Variants in H3C4 observed in about 807,000 individuals in gnomAD.
H3C4 encodes the protein H3 clustered histone 4.
In H3C4, 10 loss-of-function variants were observed where a neutral mutation model predicts 8.7. That is an observed-to-expected ratio of 1.15 (90% confidence interval 0.71 to 1.96). The LOEUF is 1.96. Among genes scored for constraint, H3C4 ranks in the 30% most tolerant of loss-of-function variants. H3C4 has a pLI of 0.00. For missense variants in H3C4, 216 were observed against 192.9 expected, an observed-to-expected ratio of 1.12 and a Z score of -0.71; for synonymous variants, 141 against 80.1, an observed-to-expected ratio of 1.76 and a Z score of -4.06.
At chr6:26,198,829 A>T (rs1765050130), upstream of H3C4, 1 of 1,602,844 alleles carries the variant, frequency 6.2e-7, no homozygotes. Context: ...TTCCTTAAAA[A>T]GCCAATATAA....
chr6:26,196,849 C>G lies in H3C4; in HGVS notation c.402G>C (p.Glu134Asp), dbSNP rs373554594. The change falls in exon 1 of 1, where the codon GAG (glutamate) becomes GAC (aspartate). Residue 134 changes from glutamate to aspartate, a missense_variant. Physicochemically the swap from Glu to Asp is conservative, Grantham distance 45. Transcript: ENST00000356476. ...ACATTCACAAGACAATTTACGCCCT[C>G]TCCCCACGAATGCGGCGAGCAAGCT... is the stretch of plus-strand genomic sequence containing the variant. ...DIQLARRIRG[E>D]RA is the part of the protein sequence containing the mutation. 1.1e-5 allele frequency: 18 copies of G among 1,614,104 alleles called. No individual in the cohort carries two copies. The African/African-American group carries it at 2.4e-4, about 22-fold the overall frequency.
At position 26,197,001 on chromosome 6, in the gene H3C4, G is replaced by A. The variant is rs578240635; in HGVS notation, c.250C>T (p.Arg84Cys). 4 of 1,614,228 alleles carry A rather than the reference G, an allele frequency of 2.5e-6. No individual in the cohort carries two copies. Among genetic ancestry groups the A allele is most frequent in the Non-Finnish European group, 3.4e-6 (4 of 1,180,046 alleles). The change falls in exon 1 of 1, where the codon CGT becomes TGT. Residue 84 changes from arginine (R) to cysteine (C), a missense_variant. Transcript: ENST00000356476. ...GCCATCACCGCCGAGCTCTGAAAAC[G>A]CAGATCAGTCTTGAAGTCCTGCGCG... ...EIAQDFKTDLRFQSSAVMALQ... is the reference protein window; with the variant it reads ...EIAQDFKTDLCFQSSAVMALQ...
upstream of H3C4, among the ~76,000 whole-genome samples, chr6:26,198,489 G>C (rs537270457): frequency 6.6e-6 from 1 of 152,134 alleles, no homozygotes; most frequent in East Asian, 1.9e-4. Flanking sequence ...GCGCCACCAC[G>C]CCCGACAAAT....
At chr6:26,199,213 C>T (rs201905916), upstream of H3C4, 24 of 1,607,536 alleles carry the variant, frequency 1.5e-5, no homozygotes, top group Non-Finnish European at 2.0e-5. Flanking sequence ...TTAGCTCGGG[C>T]CTTTCCGCCT....
At chr6:26,199,293 T>A, upstream of H3C4, 1 of 1,562,004 alleles carries the variant, frequency 6.4e-7, no homozygotes, top group East Asian at 2.3e-5. Flanking sequence ...AATGTAAAAG[T>A]GAATTTTGTT....
chr6:26,199,244 T>A, upstream of H3C4: 1 of 1,592,330 alleles, frequency 6.3e-7, no homozygotes, highest in Non-Finnish European at 8.5e-7. Flanking sequence ...GTCCGGACAT[T>A]TTGAATTCTT....
upstream of H3C4, among the ~76,000 whole-genome samples, chr6:26,198,471 A>T (rs1468883216): frequency 6.6e-6 from 1 of 152,158 alleles, no homozygotes; most frequent in African/African-American, 2.4e-5. Flanking sequence ...AGCTGAAATT[A>T]CAGGCGCGCG....
At position 26,197,005 on chromosome 6, in the gene H3C4, A is replaced by G. The variant is rs905452475; in HGVS notation, c.246T>C (p.Asp82=). The change falls in exon 1 of 1, where the codon GAT becomes GAC. Residue 82 remains aspartate, a synonymous_variant. Transcript: ENST00000356476. The stretch of plus-strand genomic sequence containing the variant: ...TCACCGCCGAGCTCTGAAAACGCAG[A>G]TCAGTCTTGAAGTCCTGCGCGATCT... ...VREIAQDFKT[D]LRFQSSAVMA... 1.2e-6 allele frequency: 2 copies of G among 1,614,222 alleles called. No homozygotes were observed. Among genetic ancestry groups the G allele is most frequent in the Non-Finnish European group, 1.7e-6 (2 of 1,180,040 alleles).
chr6:26,199,221 C>G (rs1765068739), upstream of H3C4: 1 of 1,605,850 alleles, frequency 6.2e-7, no homozygotes, highest in African/African-American at 1.3e-5. Context: ...GGCCTTTCCG[C>G]CTTGCTTGCC....
chr6:26,199,203 T>G, upstream of H3C4: 1 of 1,612,414 alleles, frequency 6.2e-7, no homozygotes, highest in East Asian at 2.2e-5. Flanking sequence ...GGTCTTAGCC[T>G]TAGCTCGGGC....
chr6:26,198,387 A>C (rs1387471219), upstream of H3C4, among the ~76,000 whole-genome samples: 1 of 152,164 alleles, frequency 6.6e-6, no homozygotes, highest in Non-Finnish European at 1.5e-5. Flanking sequence ...ACTGGAGTGC[A>C]GTGGCGCGAT....
chr6:26,197,635 C>G (rs1467387537), upstream of H3C4, among the ~76,000 whole-genome samples: 2 of 151,936 alleles, frequency 1.3e-5, no homozygotes, highest in Non-Finnish European at 2.9e-5. Context: ...TTGTGATTGG[C>G]CAAGTGATTT....
At chr6:26,198,392 C>T (rs1222249161), upstream of H3C4, among the ~76,000 whole-genome samples, 1 of 152,158 alleles carries the variant, frequency 6.6e-6, no homozygotes, top group Non-Finnish European at 1.5e-5. Flanking sequence ...AGTGCAGTGG[C>T]GCGATCTCGA....
Position 26,197,217 on chromosome 6 carries a change from T to C in H3C4, c.34A>G (p.Thr12Ala), listed in dbSNP as rs1258094123. The C allele has an allele frequency of 1.2e-6, 2 of 1,613,862 alleles. No individual in the cohort carries two copies. Among genetic ancestry groups the C allele is most frequent in the Non-Finnish European group, 1.7e-6 (2 of 1,179,948 alleles). Residue 12 changes from threonine to alanine, a missense_variant, in exon 1 of 1, where the codon ACG (threonine) becomes GCG (alanine). Thr to Ala is a moderately conservative substitution (Grantham distance 58). Coordinates refer to ENST00000356476, the MANE Select transcript of H3C4 (RefSeq NM_001376937.1). Reference protein sequence around the residue: ...ARTKQTARKSTGGKAPRKQLA... With the variant: ...ARTKQTARKSAGGKAPRKQLA... ...TGCTTGCGTGGCGCTTTCCCACCCG[T>C]GGACTTGCGAGCAGTCTGCTTGGTA... is the stretch of plus-strand genomic sequence containing the variant.
chr6:26,198,135 A>G (rs1218057516), upstream of H3C4, among the ~76,000 whole-genome samples: 1 of 152,224 alleles, frequency 6.6e-6, no homozygotes, highest in African/African-American at 2.4e-5. Flanking sequence ...ACAAAAGACA[A>G]TAAAACATTT....
chr6:26,199,244 T>G (rs371204548), upstream of H3C4: 105 of 1,592,212 alleles, frequency 6.6e-5, no homozygotes, highest in Non-Finnish European at 8.8e-5. Context: ...GTCCGGACAT[T>G]TTGAATTCTT....
upstream of H3C4, chr6:26,199,069 G>A (rs753197401): frequency 1.2e-6 from 2 of 1,614,216 alleles, no homozygotes; most frequent in Non-Finnish European, 1.7e-6. Context: ...TCGGCGGTCA[G>A]GTACTCCAAC....
At chr6:26,199,020 T>C (rs931788913), upstream of H3C4, 2 of 1,614,146 alleles carry the variant, frequency 1.2e-6, no homozygotes, top group African/African-American at 1.3e-5. Context: ...GCGGGTCTTC[T>C]TGTTGTCGCG....
At chr6:26,199,085 C>G (rs748090291), upstream of H3C4, 12 of 1,614,156 alleles carry the variant, frequency 7.4e-6, no homozygotes, top group African/African-American at 1.3e-5. Flanking sequence ...CCAACACCGC[C>G]GCCAGATACA....
Sources: allele counts gnomAD v4.1 joint callset (sites outside exome capture counted in the v4.1 genomes callset), GRCh38; gene constraint gnomAD v4.1.1; transcripts MANE v1.5; gene names NCBI Gene and HGNC (gene_info 2026-07-23, HGNC 2026-07-21).